GRAMD1B: variants seen among roughly 807,000 people sequenced by gnomAD.
GRAMD1B encodes the protein protein Aster-B.
In GRAMD1B, 37 loss-of-function variants were observed where a neutral mutation model predicts 99.7. The observed-to-expected ratio is 0.37, with a 90% CI of 0.29 to 0.49. The LOEUF (loss-of-function observed/expected upper bound fraction) is 0.49. Among genes scored for constraint, GRAMD1B ranks in the 20% least tolerant of loss-of-function variants. GRAMD1B has a pLI of 0.98. For missense variants in GRAMD1B, 888 were observed against 1,009.2 expected, an observed-to-expected ratio of 0.88 and a Z score of 1.63; for synonymous variants, 427 against 387.6, an observed-to-expected ratio of 1.10 and a Z score of -1.19.
At chr11:123,475,524 G>C (rs1025937332) in intron 1 of GRAMD1B, among the ~76,000 whole-genome samples, 5 of 152,210 alleles carry the variant, frequency 3.3e-5, no homozygotes, top group Non-Finnish European at 5.9e-5. Context: ...TACAGCAGGA[G>C]GGATTAAAGT....
rs1218318535 is a variant in GRAMD1B, at chr11:123,371,266, A to G, written c.-176+12467A>G. ...TGGGTAATCCCCACCATCTTGGATT[A>G]GTTAGTGTGGGCCTCTCTGGAATCA... On this transcript the variant is annotated intron_variant, in intron 1 of 20. Transcript: ENST00000638157. 3.3e-5 allele frequency among the ~76,000 whole-genome samples: 5 copies of G among 152,030 alleles called. No individual in the cohort carries two copies. In the East Asian group the frequency reaches 9.7e-4, roughly 29 times the overall value.
chr11:123,411,152 C>G (rs1183682866), intron 1 of GRAMD1B, among the ~76,000 whole-genome samples: 2 of 151,918 alleles, frequency 1.3e-5, no homozygotes, highest in East Asian at 1.9e-4. Context: ...CTATAGGCGC[C>G]CGCCACCACA....
chr11:123,391,655 C>T (rs1375380961), intron 1 of GRAMD1B, among the ~76,000 whole-genome samples: 1 of 152,124 alleles, frequency 6.6e-6, no homozygotes, highest in Non-Finnish European at 1.5e-5. Context: ...GGAGTTTCAC[C>T]ATGTTGGTCA....
intron 1 of GRAMD1B, among the ~76,000 whole-genome samples, chr11:123,473,976 C>T (rs923708433): frequency 3.3e-5 from 5 of 152,176 alleles, no homozygotes; most frequent in African/African-American, 1.2e-4. Context: ...TAGTAAATGC[C>T]AGAGTCATTT....
upstream of GRAMD1B, among the ~76,000 whole-genome samples, chr11:123,426,600 C>T (rs142106241): frequency 1.3e-3 from 204 of 152,078 alleles, 3 homozygotes; most frequent in Non-Finnish European, 1.8e-4. Context: ...TGGGATTGGC[C>T]GTTCGAATGT....
intron 1 of GRAMD1B, 71 bp downstream of exon 1, chr11:123,431,237 C>G (rs1197279495): frequency 1.6e-6 from 1 of 617,232 alleles, no homozygotes; most frequent in African/African-American, 1.8e-5. Flanking sequence ...GGCCCCGGGG[C>G]ATTCTGGGGG....
chr11:123,599,282 T>C, intron 7 of GRAMD1B: 1 of 731,856 alleles, frequency 1.4e-6, no homozygotes, highest in Non-Finnish European at 2.6e-6. Context: ...ACAAATCCCT[T>C]GGGTTCCCAC....
chr11:123,376,037 GTTACGCACAC>G (rs1946680841), intron 1 of GRAMD1B, among the ~76,000 whole-genome samples: 1 of 151,862 alleles, frequency 6.6e-6, no homozygotes, highest in Admixed American at 6.6e-5. Context: ...TAACTTCACA[GTTACGCACAC>G]TTGGCTGGAG....
chr11:123,388,129 C>CAAAAAAAAAAAAAAAAAAAAAAAAAAA (rs34085785), intron 1 of GRAMD1B, among the ~76,000 whole-genome samples: 1 of 71,502 alleles, frequency 1.4e-5, no homozygotes. Flanking sequence ...TCCTCCTCCT[C>CAAAAAAAAAAAAAAAAAAAAAAAAAAA]AAAAAAAAAA....
chr11:123,448,355 C>A (rs1252200236), intron 1 of GRAMD1B, among the ~76,000 whole-genome samples: 1 of 109,356 alleles, frequency 9.1e-6, no homozygotes, highest in Admixed American at 8.1e-5. Context: ...TGGGTTCAAG[C>A]GATTCTCGTG....
chr11:123,520,897 T>C (rs924703968), intron 2 of GRAMD1B, among the ~76,000 whole-genome samples: 1 of 152,190 alleles, frequency 6.6e-6, no homozygotes, highest in Non-Finnish European at 1.5e-5. Context: ...TCACCTGTTC[T>C]GCTCCATTGC....
rs374528608 is a variant in GRAMD1B at position 123,468,411 on chromosome 11, G to A, written c.375-12405G>A. On this transcript the variant is annotated intron_variant, in intron 1 of 19. Coordinates refer to ENST00000635736, the MANE Select transcript of GRAMD1B (RefSeq NM_001387025.1). ...AAAAAAATGACACAATGGGACCATC[G>A]CTCTCAAATAATTTATAGTATGGTA... Among the ~76,000 whole-genome samples, 7 of 152,106 alleles carry A rather than the reference G, an allele frequency of 4.6e-5. No homozygotes were observed. In the East Asian group the frequency reaches 5.8e-4, roughly 13 times the overall value.
rs1204307633 is a variant in GRAMD1B, at chr11:123,609,815, A to T, written c.1678A>T (p.Lys560Ter). ...CTTAGATATCATCTTCCATCCATGG[A>T]AAAAGGAGGAGAATGGAAACCAGAG... ...RFSDIIFHPW[K>*]KEENGNQSRV... The change falls in exon 13 of 20, where the codon AAA becomes TAA. Residue 560 changes from lysine to a stop codon, truncating the protein, a stop_gained. Coordinates refer to ENST00000635736, the MANE Select transcript of GRAMD1B (RefSeq NM_001387025.1). LOFTEE classifies it high-confidence loss of function. The T allele has an allele frequency of 6.3e-7, 1 of 1,588,460 alleles. No homozygotes were observed. Among genetic ancestry groups the T allele is most frequent in the Non-Finnish European group, 8.6e-7 (1 of 1,162,018 alleles).
intron 17 of GRAMD1B, among the ~76,000 whole-genome samples, chr11:123,617,618 A>G (rs892557683): frequency 6.6e-6 from 1 of 152,102 alleles, no homozygotes; most frequent in Non-Finnish European, 1.5e-5. Flanking sequence ...CCTTTCATCT[A>G]CAGAACAACC....
At chr11:123,507,319 G>A (rs1297452674) in intron 2 of GRAMD1B, among the ~76,000 whole-genome samples, 2 of 152,160 alleles carry the variant, frequency 1.3e-5, no homozygotes, top group African/African-American at 4.8e-5. Flanking sequence ...CTACTGCAGT[G>A]CTAGCAAAGC....
At chr11:123,364,412 C>T (rs377015016) in intron 1 of GRAMD1B, among the ~76,000 whole-genome samples, 110 of 152,310 alleles carry the variant, frequency 7.2e-4, no homozygotes, top group Non-Finnish European at 1.2e-3. Flanking sequence ...TCTGAGTGTG[C>T]GTTCAAAGAC....
chr11:123,594,255 G>A (rs539067492), intron 5 of GRAMD1B, 89 bp downstream of exon 5: 6 of 856,416 alleles, frequency 7.0e-6, no homozygotes, highest in South Asian at 6.8e-5. Flanking sequence ...GAGGCCTCAA[G>A]CCAACCCAGG....
chr11:123,546,133 G>A (rs979881594), intron 2 of GRAMD1B, among the ~76,000 whole-genome samples: 1 of 152,222 alleles, frequency 6.6e-6, no homozygotes, highest in Non-Finnish European at 1.5e-5. Flanking sequence ...CTAGACATAA[G>A]TACAAGGTAT....
chr11:123,575,300 C>T (rs11219202), intron 2 of GRAMD1B, among the ~76,000 whole-genome samples: 49,350 of 151,918 alleles, frequency 0.32, 8,224 homozygotes, highest in East Asian at 0.46. Context: ...AATTACACAA[C>T]GGCTGGGGGG....
Sources: allele counts gnomAD v4.1 joint callset (sites outside exome capture counted in the v4.1 genomes callset), GRCh38; gene constraint gnomAD v4.1.1; transcripts MANE v1.5; gene names NCBI Gene and HGNC (gene_info 2026-07-23, HGNC 2026-07-21).